GPR141: variants seen among roughly 807,000 people sequenced by gnomAD.
The protein encoded by GPR141 is probable G protein-coupled receptor 141.
In GPR141, 6 loss-of-function variants were observed where a neutral mutation model predicts 6.8. The observed-to-expected ratio is 0.88, with a 90% CI of 0.48 to 1.74. The LOEUF is 1.74. Among genes scored for constraint, GPR141 ranks in the 40% most tolerant of loss-of-function variants. GPR141 has a pLI of 0.01. For missense variants in GPR141, 372 were observed against 372.9 expected, an observed-to-expected ratio of 1.00 and a Z score of 0.02; for synonymous variants, 140 against 142.3, an observed-to-expected ratio of 0.98 and a Z score of 0.11.
intron 2 of GPR141, among the ~76,000 whole-genome samples, chr7:37,693,669 G>A (rs745610170): frequency 7.2e-5 from 11 of 152,112 alleles, no homozygotes; most frequent in Admixed American, 3.9e-4. Context: ...GAATGGTGGG[G>A]CACAGCTGTT....
In GPR141 at chr7:37,740,916, T is replaced by C. The variant is rs768359708; in HGVS notation, c.523T>C (p.Tyr175His). Reference protein sequence around the residue: ...HCFKFHKELAYTYVKIINYMI... With the variant: ...HCFKFHKELAHTYVKIINYMI... Reference sequence around the variant, plus strand: ...TTTTAAATTTCACAAAGAGCTTGCTTACACATATGTGAAAATCATCAACTA... The same window carrying C: ...TTTTAAATTTCACAAAGAGCTTGCTCACACATATGTGAAAATCATCAACTA... Residue 175 changes from tyrosine to histidine, a missense_variant, in exon 3 of 3, where the codon TAC becomes CAC. Tyr to His is a moderately conservative substitution (Grantham distance 83). Transcript: ENST00000334425. The C allele has an allele frequency of 5.0e-6, 8 of 1,614,032 alleles. No individual in the cohort carries two copies. The South Asian group carries it at 8.8e-5, about 18-fold the overall frequency.
rs558550155 is a variant in GPR141 at position 37,741,714 on chromosome 7, A to C, written c.*403A>C. 4.7e-4 allele frequency among the ~76,000 whole-genome samples: 71 copies of C among 152,322 alleles called. 1 individual carries two copies. Among genetic ancestry groups the C allele is most frequent in the African/African-American group, 1.7e-3 (69 of 41,564 alleles). On this transcript the variant is annotated 3_prime_UTR_variant, in exon 3 of 3. Coordinates refer to ENST00000334425, the MANE Select transcript of GPR141 (RefSeq NM_001381946.1). ...TTTTCATCCCACTTCACCTTAGGTA[A>C]GTAAATTCTGGCCACCACCCAGCTC... is the stretch of plus-strand genomic sequence containing the variant.
chr7:37,724,853 G>A (rs1325759834), intron 2 of GPR141, among the ~76,000 whole-genome samples: 1 of 152,162 alleles, frequency 6.6e-6, no homozygotes, highest in Non-Finnish European at 1.5e-5. Context: ...TTAAAGCATA[G>A]TTCTCTTGAT....
chr7:37,733,565 C>T (rs899647563), intron 2 of GPR141, among the ~76,000 whole-genome samples: 6 of 150,008 alleles, frequency 4.0e-5, no homozygotes, highest in African/African-American at 9.8e-5. Context: ...CCAGCTACTC[C>T]GGAGGCTGAG....
At chr7:37,692,509 C>A (rs1809825313) in intron 2 of GPR141, among the ~76,000 whole-genome samples, 1 of 152,048 alleles carries the variant, frequency 6.6e-6, no homozygotes, top group Admixed American at 6.5e-5. Flanking sequence ...TGGGTATATA[C>A]CCAGTAATGA....
chr7:37,730,685 G>T (rs890826867), intron 2 of GPR141, among the ~76,000 whole-genome samples: 1 of 152,216 alleles, frequency 6.6e-6, no homozygotes, highest in Non-Finnish European at 1.5e-5. Flanking sequence ...TGTCTCTCAG[G>T]CTTGTCTGTC....
At chr7:37,727,095 G>C (rs537806778) in intron 2 of GPR141, among the ~76,000 whole-genome samples, 1 of 152,172 alleles carries the variant, frequency 6.6e-6, no homozygotes, top group East Asian at 1.9e-4. Flanking sequence ...ATTATACATC[G>C]AAGTGGATAT....
intron 2 of GPR141, among the ~76,000 whole-genome samples, chr7:37,717,167 C>T (rs891064360): frequency 3.3e-5 from 5 of 152,128 alleles, no homozygotes; most frequent in Non-Finnish European, 5.9e-5. Flanking sequence ...TGCTTCATTT[C>T]CTAAATACAT....
intron 2 of GPR141, among the ~76,000 whole-genome samples, chr7:37,733,328 G>A (rs544709295): frequency 6.6e-6 from 1 of 152,258 alleles, no homozygotes; most frequent in South Asian, 2.1e-4. Flanking sequence ...CATAACACAT[G>A]GTGACTTGTC....
At chr7:37,713,399 A>G (rs1810900872) in intron 2 of GPR141, 1 of 152,142 alleles carries the variant, frequency 6.6e-6, no homozygotes, top group Admixed American at 6.5e-5. Flanking sequence ...CAATCCTTCT[A>G]CCTTGGCCTC....
chr7:37,695,079 T>C (rs746678506), intron 2 of GPR141, among the ~76,000 whole-genome samples: 4 of 152,148 alleles, frequency 2.6e-5, no homozygotes, highest in African/African-American at 4.8e-5. Context: ...CTAGGAGGGA[T>C]TGCACAGCTT....
At chr7:37,705,352 A>G (rs1810480701) in intron 2 of GPR141, among the ~76,000 whole-genome samples, 2 of 152,168 alleles carry the variant, frequency 1.3e-5, no homozygotes, top group Admixed American at 1.3e-4. Context: ...ATCACTGATA[A>G]ATTATTTACA....
chr7:37,738,820 G>C (rs143948221), intron 2 of GPR141, among the ~76,000 whole-genome samples: 1 of 151,956 alleles, frequency 6.6e-6, no homozygotes, highest in South Asian at 2.1e-4. Flanking sequence ...TATCTGATTT[G>C]CTTTTTGTCA....
intron 2 of GPR141, among the ~76,000 whole-genome samples, chr7:37,699,433 C>T (rs1176561906): frequency 3.3e-5 from 5 of 152,226 alleles, no homozygotes; most frequent in South Asian, 4.1e-4. Flanking sequence ...TGGTGGCGGG[C>T]GCCTGTAGTC....
intron 2 of GPR141, among the ~76,000 whole-genome samples, chr7:37,712,323 G>A (rs763697949): frequency 1.3e-5 from 2 of 152,122 alleles, no homozygotes; most frequent in South Asian, 2.1e-4. Context: ...GGCCTGAATC[G>A]GTGGTATATG....
intron 2 of GPR141, among the ~76,000 whole-genome samples, chr7:37,737,826 G>T (rs1366206743): frequency 2.0e-5 from 3 of 152,166 alleles, no homozygotes; most frequent in Admixed American, 6.5e-5. Context: ...GTACAGAAAA[G>T]CAGTCCAGAA....
At chr7:37,690,592 A>G (rs529693451) in intron 2 of GPR141, among the ~76,000 whole-genome samples, 4 of 152,268 alleles carry the variant, frequency 2.6e-5, no homozygotes, top group African/African-American at 7.2e-5. Context: ...CCAGTCTCCG[A>G]TATTTTTTAT....
intron 2 of GPR141, among the ~76,000 whole-genome samples, chr7:37,731,928 C>T (rs1811965329): frequency 1.3e-5 from 2 of 152,032 alleles, no homozygotes; most frequent in East Asian, 3.9e-4. Flanking sequence ...GAGTAGGGTG[C>T]CCATTACATG....
At chr7:37,726,461 C>G (rs976933536) in intron 2 of GPR141, among the ~76,000 whole-genome samples, 9 of 152,108 alleles carry the variant, frequency 5.9e-5, no homozygotes, top group Admixed American at 5.9e-4. Flanking sequence ...AGTTGACCAA[C>G]TCTATGTTTA....
Sources: allele counts gnomAD v4.1 joint callset (sites outside exome capture counted in the v4.1 genomes callset), GRCh38; gene constraint gnomAD v4.1.1; transcripts MANE v1.5; gene names NCBI Gene and HGNC (gene_info 2026-07-23, HGNC 2026-07-21).